Variants in NRXN1 observed in about 807,000 individuals in gnomAD.
The protein encoded by NRXN1 is neurexin-1.
In NRXN1, 39 loss-of-function variants were observed where a neutral mutation model predicts 150.9. The observed-to-expected ratio is 0.26, with a 90% CI of 0.20 to 0.34. The LOEUF (loss-of-function observed/expected upper bound fraction) is 0.34, where lower values mean the gene tolerates loss of function less well. NRXN1 is among the 10% of genes least tolerant of loss of function. The pLI is 1.00. For synonymous variants in NRXN1, 924 were observed against 757.0 expected, an observed-to-expected ratio of 1.22 and a Z score of -3.62; for missense variants, 1,815 against 1,949.9, an observed-to-expected ratio of 0.93 and a Z score of 1.30.
At chr2:50,583,349 C>T (rs1025101061) in intron 8 of NRXN1, among the ~76,000 whole-genome samples, 1 of 152,106 alleles carries the variant, frequency 6.6e-6, no homozygotes, top group Non-Finnish European at 1.5e-5. Context: ...GCGCCTCTAC[C>T]TTTTAACCTG....
In NRXN1 at chr2:51,028,293, C is replaced by CG. The variant is rs994006557; in HGVS notation, c.-21dup. On this transcript the variant is annotated 5_prime_UTR_variant, in exon 2 of 23. Transcript: ENST00000401669. ...CCCCATGCTCGGGGCTGGGGTGCGG[C>CG]GGGGGGGTGCCGGGGCCGACAGGGT... The CG allele has an allele frequency of 1.1e-5, 16 of 1,417,870 alleles. No homozygotes were observed. Among genetic ancestry groups the CG allele is most frequent in the Admixed American group, 5.8e-5 (2 of 34,352 alleles). 87.8% of individuals were successfully genotyped at this position (1,417,870 alleles called of 1,614,324 possible). A position where few individuals can be genotyped will look rare whatever the true frequency, so the allele number is the denominator to read the frequency against.
chr2:50,472,431 T>G lies in NRXN1; in HGVS notation c.3111A>C (p.Lys1037Asn). The G allele has an allele frequency of 6.2e-7, 1 of 1,612,144 alleles. No individual in the cohort carries two copies. Among genetic ancestry groups the G allele is most frequent in the South Asian group, 1.1e-5 (1 of 91,012 alleles). ...YIGGVAKETY[K>N]SLPKLVHAKE... is the part of the protein sequence containing the mutation. ...TGGCATGTACAAGTTTTGGTAAGGA[T>G]TTGTATGTTTCTTTAGCTACTCCTC... The change falls in exon 16 of 23, where the codon AAA becomes AAC. Residue 1037 changes from lysine to asparagine, a missense_variant. This residue lies in a region of NRXN1 where 339 missense variants were observed against 440.3 expected (regional missense o/e 0.77). Transcript: ENST00000401669.
At chr2:50,080,311 T>G (rs1317086168) in intron 19 of NRXN1, among the ~76,000 whole-genome samples, 1 of 152,180 alleles carries the variant, frequency 6.6e-6, no homozygotes, top group Non-Finnish European at 1.5e-5. Context: ...TCTCTTATCA[T>G]GTCTAATTTA....
intron 2 of NRXN1, among the ~76,000 whole-genome samples, chr2:50,962,436 A>G (rs1263692192): frequency 6.6e-6 from 1 of 151,694 alleles, no homozygotes; most frequent in Non-Finnish European, 1.5e-5. Flanking sequence ...AGAATGCTTC[A>G]TGGAAATTTA....
chr2:50,271,193 T>C (rs1373240378), intron 17 of NRXN1, among the ~76,000 whole-genome samples: 4 of 152,186 alleles, frequency 2.6e-5, no homozygotes, highest in Non-Finnish European at 5.9e-5. Flanking sequence ...TTAGGCTACC[T>C]GATTGAAATG....
rs569591565 is a variant in NRXN1, at chr2:50,170,779, G to A, written c.3546+66010C>T. Among the ~76,000 whole-genome samples the A allele has an allele frequency of 3.7e-3, 562 of 151,748 alleles. 4 individuals carry two copies. Among genetic ancestry groups the A allele is most frequent in the Non-Finnish European group, 5.8e-3 (392 of 67,898 alleles). The stretch of plus-strand genomic sequence containing the variant: ...GTCGTGTGTGTGTGTGTGTGTGTGT[G>A]TGTGTGTGTGTGTGTATGCATCTGT... On this transcript the variant is annotated intron_variant, in intron 18 of 22. Coordinates refer to ENST00000401669, the MANE Select transcript of NRXN1 (RefSeq NM_001330078.2).
At chr2:50,391,928 A>G (rs1250590187) in intron 17 of NRXN1, among the ~76,000 whole-genome samples, 5 of 152,166 alleles carry the variant, frequency 3.3e-5, no homozygotes. Flanking sequence ...TCCGACAATA[A>G]AAGAAATCTT....
At chr2:50,573,260 G>A (rs1007796625) in intron 8 of NRXN1, among the ~76,000 whole-genome samples, 5 of 152,068 alleles carry the variant, frequency 3.3e-5, no homozygotes, top group East Asian at 3.9e-4. Context: ...CTACTCAGGA[G>A]GCTGAGGCAG....
chr2:50,324,629 C>T (rs2076269273), intron 17 of NRXN1, among the ~76,000 whole-genome samples: 1 of 152,342 alleles, frequency 6.6e-6, no homozygotes, highest in African/African-American at 2.4e-5. Context: ...GCAAGCTCCG[C>T]CTCCCGGGTT....
In NRXN1 at chr2:50,531,437, A is replaced by T. The variant is rs1272182334; in HGVS notation, c.2144-7T>A. On this transcript the variant is annotated splice_region_variant and splice_polypyrimidine_tract_variant and intron_variant, in intron 10 of 22. Coordinates refer to ENST00000401669, the MANE Select transcript of NRXN1 (RefSeq NM_001330078.2). ...TAGCTCAAAACCGTTGCCTCTAGAG[A>T]TGGAAAATGAATATGATAAGTTCTT... 3.7e-6 allele frequency: 6 copies of T among 1,604,074 alleles called. No homozygotes were observed. The highest frequency in any genetic ancestry group is 1.6e-4 in the Middle Eastern group (1 of 6,068).
At chr2:51,030,282 C>A (rs1671283906) in intron 1 of NRXN1, among the ~76,000 whole-genome samples, 1 of 152,006 alleles carries the variant, frequency 6.6e-6, no homozygotes, top group Non-Finnish European at 1.5e-5. Context: ...TACACACATG[C>A]ACACACACAC....
At chr2:50,895,443 G>T (rs751307858) in intron 5 of NRXN1, among the ~76,000 whole-genome samples, 1 of 152,018 alleles carries the variant, frequency 6.6e-6, no homozygotes, top group African/African-American at 2.4e-5. Context: ...TTTCTCTTCC[G>T]TAACATAAAG....
At chr2:50,177,682 A>T (rs1351539476) in intron 18 of NRXN1, among the ~76,000 whole-genome samples, 2 of 152,038 alleles carry the variant, frequency 1.3e-5, no homozygotes, top group Admixed American at 6.6e-5. Context: ...CTACAAAGGA[A>T]GGAAGAAGGA....
intron 17 of NRXN1, among the ~76,000 whole-genome samples, chr2:50,429,643 A>T (rs1023697600): frequency 6.6e-6 from 1 of 152,228 alleles, no homozygotes; most frequent in Non-Finnish European, 1.5e-5. Flanking sequence ...AAATCTTTCT[A>T]GGAAAAATAA....
intron 21 of NRXN1, among the ~76,000 whole-genome samples, chr2:49,945,856 A>G (rs1672803962): frequency 6.6e-6 from 1 of 152,132 alleles, no homozygotes; most frequent in Non-Finnish European, 1.5e-5. Flanking sequence ...ATACATGTAC[A>G]TGTGTCTTTA....
Position 50,926,141 on chromosome 2 carries a change from T to C in NRXN1, c.773-186A>G, listed in dbSNP as rs75071398. ...AGCAGGTTCCCTCCCATTGGCAGCA[T>C]TGATAGGAAGTGAGACAAACTTTCA... On this transcript the variant is annotated intron_variant, in intron 2 of 22. Transcript: ENST00000401669. 0.014 allele frequency among the ~76,000 whole-genome samples: 2,132 copies of C among 151,948 alleles called. 24 individuals carry two copies. The highest frequency in any genetic ancestry group is 0.021 in the Non-Finnish European group (1,417 of 67,912).
intron 17 of NRXN1, among the ~76,000 whole-genome samples, chr2:50,354,359 T>C (rs2078633803): frequency 6.6e-6 from 1 of 151,906 alleles, no homozygotes; most frequent in Non-Finnish European, 1.5e-5. Context: ...CAATTCTTGC[T>C]TCTACAAACT....
At chr2:50,775,140 T>G (rs531284170) in intron 5 of NRXN1, among the ~76,000 whole-genome samples, 1 of 152,170 alleles carries the variant, frequency 6.6e-6, no homozygotes, top group Non-Finnish European at 1.5e-5. Flanking sequence ...TCTGATTTAC[T>G]GTGTGGTAAG....
intron 17 of NRXN1, among the ~76,000 whole-genome samples, chr2:50,264,856 A>G (rs1475643838): frequency 7.2e-5 from 11 of 152,116 alleles, no homozygotes. Context: ...AAGACCACAC[A>G]TCTATTTTCT....
Sources: gnomAD v4.1 joint callset for allele counts (sites outside exome capture counted in the v4.1 genomes callset) on GRCh38, gnomAD v4.1.1 for gene constraint, gnomAD v4.1.1 regional missense constraint, MANE v1.5 for transcripts, NCBI Gene and HGNC (gene_info 2026-07-23, HGNC 2026-07-21) for gene names.